SLC30A9: variants seen among roughly 807,000 people sequenced by gnomAD.
The protein encoded by SLC30A9 is solute carrier family 30 member 9.
A neutral mutation model predicts 87.5 loss-of-function variants in SLC30A9; 58 were observed. That is an observed-to-expected ratio of 0.66 (90% confidence interval 0.54 to 0.82). The LOEUF is 0.82. Ranked by LOEUF, SLC30A9 falls within the 40% of genes least tolerant of loss-of-function variation. SLC30A9 has a pLI of 0.00. For synonymous variants in SLC30A9, 234 were observed against 233.0 expected (o/e 1.00, Z -0.04); for missense variants, 557 against 679.1 (o/e 0.82, Z 2.00).
chr4:41,992,563 C>T (rs1265101021), intron 1 of SLC30A9, among the ~76,000 whole-genome samples: 2 of 152,108 alleles, frequency 1.3e-5, no homozygotes, highest in African/African-American at 4.8e-5. Flanking sequence ...GTGTAGCTGT[C>T]ATTATGTTGA....
chr4:42,000,324 A>G (rs1934128557), intron 1 of SLC30A9, among the ~76,000 whole-genome samples: 1 of 152,152 alleles, frequency 6.6e-6, no homozygotes. Flanking sequence ...ACCAGTGGCC[A>G]GGATGAAGAA....
chr4:42,054,881 C>A (rs1577711593), intron 9 of SLC30A9, among the ~76,000 whole-genome samples: 1 of 152,198 alleles, frequency 6.6e-6, no homozygotes, highest in South Asian at 2.1e-4. Flanking sequence ...TAAAGAGATT[C>A]ATCCAAAATA....
At chr4:42,046,351 A>C (rs1443935947) in intron 8 of SLC30A9, among the ~76,000 whole-genome samples, 1 of 152,240 alleles carries the variant, frequency 6.6e-6, no homozygotes, top group Non-Finnish European at 1.5e-5. Flanking sequence ...ATCTCAGCCC[A>C]AAATCTCCTT....
intron 8 of SLC30A9, among the ~76,000 whole-genome samples, chr4:42,046,818 G>C (rs1577706472): frequency 6.6e-6 from 1 of 152,064 alleles, no homozygotes; most frequent in South Asian, 2.1e-4. Flanking sequence ...GCATCATGCT[G>C]CCTGACTTCA....
At chr4:42,034,808 G>T (rs1397822766) in intron 6 of SLC30A9, among the ~76,000 whole-genome samples, 1 of 152,142 alleles carries the variant, frequency 6.6e-6, no homozygotes, top group African/African-American at 2.4e-5. Context: ...AGGATTGCTG[G>T]ATTATATGGT....
chr4:42,054,087 G>A (rs1470245551), intron 9 of SLC30A9, among the ~76,000 whole-genome samples: 1 of 152,196 alleles, frequency 6.6e-6, no homozygotes, highest in Non-Finnish European at 1.5e-5. Context: ...AGGTACGGTG[G>A]CTCATGCCTG....
chr4:42,022,479 T>C (rs10461067), intron 4 of SLC30A9, among the ~76,000 whole-genome samples: 141,903 of 151,860 alleles, frequency 0.93, 66,336 homozygotes, highest in East Asian at 1. Context: ...CCTCGGCCTC[T>C]CAAAGCGCTG....
At chr4:42,011,284 C>T (rs1017237354) in intron 2 of SLC30A9, among the ~76,000 whole-genome samples, 8 of 152,180 alleles carry the variant, frequency 5.3e-5, no homozygotes, top group African/African-American at 1.9e-4. Flanking sequence ...TGGTGAGATT[C>T]ACTCACTATC....
rs141307995 is a variant in SLC30A9 at position 42,027,730 on chromosome 4, A to T, written c.610+4346A>T. On this transcript the variant is annotated intron_variant, in intron 6 of 17. Transcript: ENST00000264451. ...AACTAGAGAATTTAAGATGGAATAT[A>T]TTACAGCAGAATTTGTTCACAAAAA... 5.8e-4 allele frequency among the ~76,000 whole-genome samples: 88 copies of T among 152,346 alleles called. 2 individuals carry two copies. Among genetic ancestry groups the T allele is most frequent in the African/African-American group, 1.7e-3 (72 of 41,584 alleles).
At chr4:42,009,313 T>A (rs1161771954) in intron 2 of SLC30A9, among the ~76,000 whole-genome samples, 1 of 152,204 alleles carries the variant, frequency 6.6e-6, no homozygotes, top group Admixed American at 6.5e-5. Context: ...AGTAATTGCT[T>A]GATTGAAAGA....
chr4:42,017,076 A>C (rs1423027210), intron 2 of SLC30A9, among the ~76,000 whole-genome samples: 1 of 152,110 alleles, frequency 6.6e-6, no homozygotes, highest in East Asian at 1.9e-4. Flanking sequence ...ATGCATTTTC[A>C]TTGTTCCATA....
intron 2 of SLC30A9, among the ~76,000 whole-genome samples, chr4:42,006,915 A>G (rs1715228752): frequency 6.6e-6 from 1 of 152,112 alleles, no homozygotes; most frequent in Non-Finnish European, 1.5e-5. Context: ...ATGTTCTGAG[A>G]AAATGGCAAG....
chr4:42,024,535 A>T (rs1400293023), intron 6 of SLC30A9, among the ~76,000 whole-genome samples: 1 of 152,232 alleles, frequency 6.6e-6, no homozygotes, highest in African/African-American at 2.4e-5. Flanking sequence ...TTATTTTTTT[A>T]ACGTGAGATA....
At chr4:42,022,809 G>T in intron 4 of SLC30A9, 29 bp from the exon 5 acceptor site, 1 of 1,384,760 alleles carries the variant, frequency 7.2e-7, no homozygotes, top group Non-Finnish European at 1.0e-6. Flanking sequence ...CACTTTGTCT[G>T]AATAAATTCA....
chr4:42,023,419 A>C, intron 6 of SLC30A9, 35 bp downstream of exon 6: 5 of 1,340,632 alleles, frequency 3.7e-6, no homozygotes, highest in Non-Finnish European at 5.4e-6. Flanking sequence ...AGTTAATTGA[A>C]AAATAACTTG....
intron 14 of SLC30A9, among the ~76,000 whole-genome samples, chr4:42,069,584 T>C (rs1718223158): frequency 6.6e-6 from 1 of 152,208 alleles, no homozygotes; most frequent in African/African-American, 2.4e-5. Flanking sequence ...TAGCAAAATA[T>C]ATGTTTTATC....
At chr4:42,048,945 G>A (rs1223987071) in intron 8 of SLC30A9, among the ~76,000 whole-genome samples, 6 of 151,892 alleles carry the variant, frequency 4.0e-5, no homozygotes, top group Non-Finnish European at 5.9e-5. Context: ...TCTTTTAATT[G>A]TACTTGTTTT....
At chr4:42,048,885 T>C (rs1485374219) in intron 8 of SLC30A9, among the ~76,000 whole-genome samples, 1 of 152,240 alleles carries the variant, frequency 6.6e-6, no homozygotes, top group East Asian at 1.9e-4. Context: ...TCTATATTTT[T>C]TCAAATTTTT....
At chr4:42,018,574 C>G (rs1715814457) in intron 3 of SLC30A9, 3 of 444,684 alleles carry the variant, frequency 6.7e-6, no homozygotes, top group Admixed American at 4.8e-5. Context: ...GTTTGTAGCT[C>G]TCTTCTGTAT....
Sources: allele counts gnomAD v4.1 joint callset (sites outside exome capture counted in the v4.1 genomes callset), GRCh38; gene constraint gnomAD v4.1.1; transcripts MANE v1.5; gene names NCBI Gene and HGNC (gene_info 2026-07-23, HGNC 2026-07-21).